The following SPAG17 variants were observed in gnomAD, a reference collection of about 807,000 sequenced individuals.
SPAG17 encodes sperm-associated antigen 17.
A neutral mutation model predicts 273.6 loss-of-function variants in SPAG17; 169 were observed. That is an observed-to-expected ratio of 0.62 (90% confidence interval 0.55 to 0.70). The LOEUF is 0.70. Ranked by LOEUF, SPAG17 falls within the 30% of genes least tolerant of loss-of-function variation. SPAG17 has a pLI of 0.00. For synonymous variants in SPAG17, 825 were observed against 873.2 expected, an observed-to-expected ratio of 0.94 and a Z score of 0.97; for missense variants, 2,557 against 2,627.8, an observed-to-expected ratio of 0.97 and a Z score of 0.59.
At chr1:118,088,454 A>T (rs12140387) in intron 10 of SPAG17, among the ~76,000 whole-genome samples, 9,368 of 152,248 alleles carry the variant, frequency 0.062, 450 homozygotes, top group East Asian at 0.26. Context: ...TCATTTATTG[A>T]TATAATAAAA....
At chr1:117,954,443 C>A in intron 48 of SPAG17, 1 of 786,668 alleles carries the variant, frequency 1.3e-6, no homozygotes. Context: ...TTTGATAATT[C>A]TTTTACACTC....
chr1:118,080,072 TTTTA>T (rs1335208996), intron 15 of SPAG17, among the ~76,000 whole-genome samples: 1 of 151,356 alleles, frequency 6.6e-6, no homozygotes, highest in African/African-American at 2.4e-5. Flanking sequence ...AGATTAATTT[TTTTA>T]TTTTTCTTTA....
At chr1:118,088,723 A>G (rs1412111969) in intron 10 of SPAG17, among the ~76,000 whole-genome samples, 1 of 152,228 alleles carries the variant, frequency 6.6e-6, no homozygotes, top group African/African-American at 2.4e-5. Flanking sequence ...CATTACTGCC[A>G]AAACAAAACT....
chr1:118,151,423 G>T, intron 1 of SPAG17, 54 bp from the exon 2 acceptor site: 1 of 1,457,008 alleles, frequency 6.9e-7, no homozygotes, highest in Non-Finnish European at 9.3e-7. Context: ...AGGTCATTTC[G>T]TGTCAAATAT....
chr1:118,109,794 A>G (rs1656649371), intron 4 of SPAG17, among the ~76,000 whole-genome samples: 1 of 152,066 alleles, frequency 6.6e-6, no homozygotes, highest in African/African-American at 2.4e-5. Context: ...TAAACAAGCT[A>G]TCATAGGGGA....
intron 30 of SPAG17, among the ~76,000 whole-genome samples, chr1:118,009,137 A>G (rs1659203978): frequency 6.6e-6 from 1 of 152,060 alleles, no homozygotes; most frequent in Non-Finnish European, 1.5e-5. Context: ...CAATTATACA[A>G]TTATGTAAGA....
At chr1:118,104,532 G>A (rs754203744) in intron 4 of SPAG17, among the ~76,000 whole-genome samples, 1 of 152,228 alleles carries the variant, frequency 6.6e-6, no homozygotes, top group Non-Finnish European at 1.5e-5. Flanking sequence ...CATGGGAAGA[G>A]ATGAATCACC....
intron 3 of SPAG17, among the ~76,000 whole-genome samples, chr1:118,135,618 T>C (rs1233203546): frequency 6.6e-6 from 1 of 152,200 alleles, no homozygotes. Context: ...GGTTTACTGT[T>C]GTATTTGACA....
Position 118,052,117 on chromosome 1 carries a change from CATA to C in SPAG17, c.2814+1882_2814+1884del, listed in dbSNP as rs998248608. 7.1e-4 allele frequency among the ~76,000 whole-genome samples: 101 copies of C among 141,646 alleles called. 1 individual carries two copies. Among genetic ancestry groups the C allele is most frequent in the African/African-American group, 2.4e-3 (94 of 39,216 alleles). 92.9% of individuals were successfully genotyped at this position (141,646 alleles called of 152,430 possible). A position where few individuals can be genotyped will look rare whatever the true frequency, so the allele number is the denominator to read the frequency against. ...TTATATATAGTATAATACAATATAA[CATA>C]ATACTATTATATATAAACTATATAA... On this transcript the variant is annotated intron_variant, in intron 20 of 48. Transcript: ENST00000336338.
Position 117,991,421 on chromosome 1 carries a change from C to G in SPAG17, c.5469G>C (p.Leu1823=), listed in dbSNP as rs140130825. ...ERGNAADLLK[L]VMSFPKMEET... is the part of the protein sequence containing the mutation. ...ATACAAGGCATTTTCTCACCATAAC[C>G]AGCTTGAGGAGATCAGCAGCATTGC... is the stretch of plus-strand genomic sequence containing the variant. Residue 1823 remains leucine (L), a synonymous_variant, in exon 37 of 49, where the codon CTG becomes CTC. Transcript: ENST00000336338. 6.3e-7 allele frequency: 1 copy of G among 1,584,280 alleles called. No homozygotes were observed. Among genetic ancestry groups the G allele is most frequent in the African/African-American group, 1.4e-5 (1 of 73,166 alleles).
intron 48 of SPAG17, chr1:117,961,307 A>G (rs1246949863): frequency 6.6e-6 from 1 of 152,206 alleles, no homozygotes; most frequent in African/African-American, 2.4e-5. Context: ...GTAAAAAAAA[A>G]TCTGTATAAC....
Position 117,981,419 on chromosome 1 carries a change from A to T in SPAG17, c.5873-18T>A, listed in dbSNP as rs375491253. ...CTTGAAATCTAGAAAACCCAAAATGAACCTTATAAAGTGATATTTTGTAAA... is the reference window on the plus strand; with the variant it reads ...CTTGAAATCTAGAAAACCCAAAATGTACCTTATAAAGTGATATTTTGTAAA... On this transcript the variant is annotated intron_variant, in intron 42 of 48. Coordinates refer to ENST00000336338, the MANE Select transcript of SPAG17 (RefSeq NM_206996.4). 1.3e-5 allele frequency: 20 copies of T among 1,587,568 alleles called. No individual in the cohort carries two copies. The highest frequency in any genetic ancestry group is 1.7e-5 in the Non-Finnish European group (20 of 1,173,292).
At chr1:118,048,978 G>C (rs763882097) in intron 20 of SPAG17, among the ~76,000 whole-genome samples, 8 of 152,132 alleles carry the variant, frequency 5.3e-5, no homozygotes, top group Non-Finnish European at 1.2e-4. Context: ...TGATAACCTA[G>C]AAGGAATGGA....
At chr1:118,184,974 G>C in intron 1 of SPAG17, 97 bp downstream of exon 1, 3 of 1,018,378 alleles carry the variant, frequency 2.9e-6, no homozygotes, top group Admixed American at 3.8e-5. Flanking sequence ...GGAGAGATAC[G>C]GAAGAGAGGG....
At chr1:117,989,290 G>A (rs1379492466) in intron 38 of SPAG17, among the ~76,000 whole-genome samples, 2 of 152,152 alleles carry the variant, frequency 1.3e-5, no homozygotes, top group Non-Finnish European at 2.9e-5. Context: ...AAGAAGCATG[G>A]TGCGGTCATC....
chr1:118,059,174 A>G (rs1018696615), intron 18 of SPAG17, among the ~76,000 whole-genome samples: 17 of 152,184 alleles, frequency 1.1e-4, no homozygotes, highest in Non-Finnish European at 2.1e-4. Context: ...AAAAAGTTAC[A>G]GACAATTGAT....
At chr1:118,066,977 T>G in intron 17 of SPAG17, 78 bp from the exon 18 acceptor site, 1 of 1,361,404 alleles carries the variant, frequency 7.3e-7, no homozygotes, top group Non-Finnish European at 9.9e-7. Flanking sequence ...GGCATTTCTC[T>G]ACTCCCTTTT....
intron 17 of SPAG17, among the ~76,000 whole-genome samples, chr1:118,068,242 T>A (rs1261620033): frequency 6.6e-6 from 1 of 152,046 alleles, no homozygotes; most frequent in East Asian, 1.9e-4. Flanking sequence ...AAACAATACA[T>A]TTGCTTCCCC....
intron 30 of SPAG17, among the ~76,000 whole-genome samples, chr1:118,010,623 C>A (rs1316457311): frequency 6.6e-6 from 1 of 152,002 alleles, no homozygotes; most frequent in African/African-American, 2.4e-5. Flanking sequence ...GAAAGACAAC[C>A]TAGGCAATAC....
Sources: allele counts gnomAD v4.1 joint callset (sites outside exome capture counted in the v4.1 genomes callset), GRCh38; gene constraint gnomAD v4.1.1; transcripts MANE v1.5; gene names NCBI Gene and HGNC (gene_info 2026-07-23, HGNC 2026-07-21).